Variants in PCDHA6 observed in about 807,000 individuals in gnomAD.
PCDHA6 encodes protocadherin alpha 6, also known as protocadherin alpha-6.
A neutral mutation model predicts 60.3 loss-of-function variants in PCDHA6; 55 were observed. That is an observed-to-expected ratio of 0.91 (90% confidence interval 0.73 to 1.14). The LOEUF (loss-of-function observed/expected upper bound fraction) is 1.14. Among genes scored for constraint, PCDHA6 ranks in the 50% most tolerant of loss-of-function variants. The pLI, the probability that PCDHA6 is intolerant of heterozygous loss-of-function variation, is 0.00. For synonymous variants in PCDHA6, 652 were observed against 557.9 expected (o/e 1.17, Z -2.38); for missense variants, 1,327 against 1,256.5 (o/e 1.06, Z -0.85).
In PCDHA6 at chr5:141,010,555, C is replaced by CTG; in HGVS notation, c.*618_*619insTG. 2 of 321,156 alleles carry CTG rather than the reference C, an allele frequency of 6.2e-6. No homozygotes were observed. The highest frequency in any genetic ancestry group is 1.1e-4 in the South Asian group (2 of 18,704). 19.9% of individuals were successfully genotyped at this position (321,156 alleles called of 1,614,324 possible). On this transcript the variant is annotated 3_prime_UTR_variant, in exon 4 of 4. Coordinates refer to ENST00000529310, the MANE Select transcript of PCDHA6 (RefSeq NM_018909.4). ...ACCCTCTAGGAGACAAAACTACCCCCACTGACAAGGCTTTAGGAGACCCTA... is the reference window on the plus strand; with the variant it reads ...ACCCTCTAGGAGACAAAACTACCCCCTGACTGACAAGGCTTTAGGAGACCCTA...
At chr5:140,876,668 C>T (rs2056489032) in intron 1 of PCDHA6, 1 of 1,614,198 alleles carries the variant, frequency 6.2e-7, no homozygotes, top group Non-Finnish European at 8.5e-7. Flanking sequence ...AAGCTGGTGT[C>T]CACCTACAAG....
intron 1 of PCDHA6, among the ~76,000 whole-genome samples, chr5:140,956,602 G>T (rs541025327): frequency 2.6e-5 from 4 of 152,212 alleles, no homozygotes. Flanking sequence ...GATATCAGCT[G>T]GAAGTTTTCC....
intron 1 of PCDHA6, among the ~76,000 whole-genome samples, chr5:140,911,493 A>G (rs1157677496): frequency 6.6e-6 from 1 of 152,168 alleles, no homozygotes; most frequent in African/African-American, 2.4e-5. Context: ...CAATCTTAGC[A>G]GGTTTGAGGT....
chr5:140,966,427 C>T (rs2096001144), intron 1 of PCDHA6: 1 of 421,646 alleles, frequency 2.4e-6, no homozygotes, highest in African/African-American at 2.1e-5. Context: ...CTTGCTGAGC[C>T]CTCCTACCGC....
At chr5:140,912,908 A>T (rs986770915) in intron 1 of PCDHA6, among the ~76,000 whole-genome samples, 8 of 152,188 alleles carry the variant, frequency 5.3e-5, no homozygotes, top group African/African-American at 1.9e-4. Flanking sequence ...TATCATATTG[A>T]TTGATTTGTG....
intron 1 of PCDHA6, among the ~76,000 whole-genome samples, chr5:140,903,821 A>G (rs2153482193): frequency 6.6e-6 from 1 of 152,320 alleles, no homozygotes. Context: ...TCTCACATGA[A>G]TGTCTGTTGG....
intron 1 of PCDHA6, chr5:140,877,747 T>C (rs1554170075): frequency 1.2e-6 from 2 of 1,614,172 alleles, no homozygotes; most frequent in Non-Finnish European, 8.5e-7. Context: ...GCAGAGGGTG[T>C]GCTCTGCAGA....
intron 1 of PCDHA6, among the ~76,000 whole-genome samples, chr5:140,839,389 GAT>G (rs2150297251): frequency 1.3e-5 from 2 of 151,658 alleles, no homozygotes; most frequent in African/African-American, 4.9e-5. Flanking sequence ...TTATGATGAT[GAT>G]GATGATTATT....
intron 1 of PCDHA6, 163 bp from the exon 2 acceptor site, chr5:140,978,786 G>C (rs2096822943): frequency 1.4e-5 from 14 of 972,674 alleles, no homozygotes; most frequent in Non-Finnish European, 1.3e-5. Context: ...CTTCTAAAGT[G>C]CTATATATGT....
At position 140,848,936 on chromosome 5, in the gene PCDHA6, G is replaced by T. The variant is rs2150425486; in HGVS notation, c.2394+18451G>T. On this transcript the variant is annotated intron_variant, in intron 1 of 3. Coordinates refer to ENST00000529310, the MANE Select transcript of PCDHA6 (RefSeq NM_018909.4). ...ATCTGTTCATCGCGGAATCCAGGCC[G>T]CTTGACTCTCGGTTTCCACTAGAGG... The T allele has an allele frequency of 3.7e-6, 6 of 1,607,362 alleles. 1 individual carries two copies. The highest frequency in any genetic ancestry group is 4.5e-5 in the East Asian group (2 of 44,818).
intron 3 of PCDHA6, among the ~76,000 whole-genome samples, chr5:140,993,561 T>C (rs1282310511): frequency 6.6e-6 from 1 of 151,800 alleles, no homozygotes; most frequent in Non-Finnish European, 1.5e-5. Flanking sequence ...GTATATAGTA[T>C]CCTTTCTAGG....
chr5:140,841,273 T>G, intron 1 of PCDHA6: 30 of 1,504,326 alleles, frequency 2.0e-5, no homozygotes, highest in Middle Eastern at 1.8e-4. Context: ...GTACAGTCGT[T>G]CATCTTTATA....
chr5:140,974,782 C>T (rs1211935245), intron 1 of PCDHA6, among the ~76,000 whole-genome samples: 11 of 152,150 alleles, frequency 7.2e-5, no homozygotes, highest in African/African-American at 2.7e-4. Context: ...GCCACTGCGC[C>T]CAGCCCTCAT....
At chr5:140,914,564 A>AT (rs532022159) in intron 1 of PCDHA6, among the ~76,000 whole-genome samples, 1 of 152,026 alleles carries the variant, frequency 6.6e-6, no homozygotes, top group Non-Finnish European at 1.5e-5. Context: ...AGTTTAGTCC[A>AT]TTTACATTCA....
Position 140,877,553 on chromosome 5 carries a change from T to C in PCDHA6, c.2394+47068T>C, listed in dbSNP as rs781933436. The C allele has an allele frequency of 1.9e-6, 3 of 1,613,720 alleles. No individual in the cohort carries two copies. The South Asian group carries it at 3.3e-5, about 18-fold the overall frequency. On this transcript the variant is annotated intron_variant, in intron 1 of 3. Coordinates refer to ENST00000529310, the MANE Select transcript of PCDHA6 (RefSeq NM_018909.4). ...GCTGTGGATCCCGAAGCGGCTCTGG[T>C]GGATATTAACGTGTACCTCATCATC...
At chr5:140,884,175 C>T in intron 1 of PCDHA6, 1 of 1,613,438 alleles carries the variant, frequency 6.2e-7, no homozygotes, top group Non-Finnish European at 8.5e-7. Context: ...ACGACGCGCC[C>T]TCTGGACGAG....
intron 1 of PCDHA6, among the ~76,000 whole-genome samples, chr5:140,971,092 G>A (rs1263264725): frequency 2.0e-5 from 3 of 152,168 alleles, no homozygotes; most frequent in Non-Finnish European, 4.4e-5. Flanking sequence ...ACAAATTCTT[G>A]TGAAGCCCTT....
At chr5:141,008,961 A>G (rs2098395078) in intron 3 of PCDHA6, among the ~76,000 whole-genome samples, 1 of 152,214 alleles carries the variant, frequency 6.6e-6, no homozygotes, top group Non-Finnish European at 1.5e-5. Context: ...ACATCCTAAT[A>G]CATTTATAGC....
At chr5:140,940,600 G>A (rs576348550) in intron 1 of PCDHA6, among the ~76,000 whole-genome samples, 36 of 152,074 alleles carry the variant, frequency 2.4e-4, no homozygotes, top group African/African-American at 8.4e-4. Flanking sequence ...GGCATGAGCC[G>A]CTGCTCCTGG....
Sources: allele counts gnomAD v4.1 joint callset (sites outside exome capture counted in the v4.1 genomes callset), GRCh38; gene constraint gnomAD v4.1.1; transcripts MANE v1.5; gene names NCBI Gene and HGNC (gene_info 2026-07-23, HGNC 2026-07-21).